Variants in BEGAIN observed in about 807,000 individuals in gnomAD.
BEGAIN encodes brain enriched guanylate kinase associated.
Under a neutral mutation model 35.8 loss-of-function variants are expected in BEGAIN, and 19 were observed. The observed-to-expected ratio is 0.53, with a 90% CI of 0.37 to 0.78. BEGAIN has a LOEUF of 0.78. Among genes scored for constraint, BEGAIN ranks in the 30% least tolerant of loss-of-function variants. The probability of loss-of-function intolerance (pLI) is 0.00; values close to 1 mark genes in which losing one functional copy is unlikely to be tolerated. For missense variants in BEGAIN, 795 were observed against 853.6 expected (o/e 0.93, Z 0.85); for synonymous variants, 462 against 388.6 (o/e 1.19, Z -2.22).
Position 100,537,750 on chromosome 14 carries a change from G to C in BEGAIN, c.*219C>G. ...GAAGGACGCGTGAAAAACGCTCTAA[G>C]TGGAGTTCCACGGGCCGGGGCCGGG... On this transcript the variant is annotated 3_prime_UTR_variant, in exon 7 of 7. Transcript: ENST00000554140. The C allele has an allele frequency of 1.7e-6, 1 of 584,768 alleles. No homozygotes were observed. Among genetic ancestry groups the C allele is most frequent in the African/African-American group, 2.0e-5 (1 of 50,924 alleles). 36.2% of individuals were successfully genotyped at this position (584,768 alleles called of 1,614,324 possible).
At chr14:100,579,786 A>G (rs1013756371) in intron 1 of BEGAIN, among the ~76,000 whole-genome samples, 12 of 152,074 alleles carry the variant, frequency 7.9e-5, no homozygotes, top group Non-Finnish European at 1.5e-5. Context: ...GGGCCGCTTC[A>G]ACTCTTTCCT....
At chr14:100,545,301 C>T in intron 3 of BEGAIN, 1 of 1,359,188 alleles carries the variant, frequency 7.4e-7, no homozygotes. Flanking sequence ...TTTCCCCCTC[C>T]ACCCCGGGAC....
chr14:100,569,989 C>A (rs974650293), intron 1 of BEGAIN, among the ~76,000 whole-genome samples: 3 of 152,068 alleles, frequency 2.0e-5, no homozygotes, highest in African/African-American at 7.2e-5. Context: ...AAGCCCCGGA[C>A]CCCCTATGCG....
chr14:100,543,827 C>A (rs1445466593), intron 5 of BEGAIN, 31 bp downstream of exon 5: 1 of 1,578,190 alleles, frequency 6.3e-7, no homozygotes, highest in Admixed American at 1.7e-5. Flanking sequence ...CACCGGCAGT[C>A]TTCCATGGGC....
chr14:100,554,904 C>T (rs942403554), intron 2 of BEGAIN, among the ~76,000 whole-genome samples: 4 of 152,236 alleles, frequency 2.6e-5, no homozygotes, highest in South Asian at 2.1e-4. Flanking sequence ...CCGCCAGGCA[C>T]GCTGGCCTTC....
intron 2 of BEGAIN, among the ~76,000 whole-genome samples, chr14:100,562,730 G>A (rs763976097): frequency 8.5e-5 from 13 of 152,104 alleles, no homozygotes; most frequent in East Asian, 1.9e-4. Context: ...GGTGGCACCC[G>A]CTCAGGGCCT....
At position 100,539,196 on chromosome 14, in the gene BEGAIN, C is replaced by T. The variant is rs2031163914; in HGVS notation, c.612G>A (p.Lys204=). ...ADSVPTCVIA[K]VLEKPDPASL... ...TGGCGGGGTCCGGCTTCTCCAGCAC[C>T]TTGGCAATGACGCAGGTGGGGACGC... is the stretch of plus-strand genomic sequence containing the variant. The change falls in exon 7 of 7, where the codon AAG becomes AAA. Residue 204 remains lysine (K), a synonymous_variant. Coordinates refer to ENST00000554140, the MANE Select transcript of BEGAIN (RefSeq NM_001385089.1). 3 of 1,582,422 alleles carry T rather than the reference C, an allele frequency of 1.9e-6. No individual in the cohort carries two copies. The highest frequency in any genetic ancestry group is 1.3e-5 in the African/African-American group (1 of 74,284).
In BEGAIN at chr14:100,538,813, G is replaced by T; in HGVS notation, c.995C>A (p.Ala332Glu). 2 of 1,603,306 alleles carry T rather than the reference G, an allele frequency of 1.2e-6. No individual in the cohort carries two copies. Among genetic ancestry groups the T allele is most frequent in the East Asian group, 2.3e-5 (1 of 44,402 alleles). Residue 332 changes from alanine to glutamate, a missense_variant, in exon 7 of 7, where the codon GCG becomes GAG. Coordinates refer to ENST00000554140, the MANE Select transcript of BEGAIN (RefSeq NM_001385089.1). ...CGACGCGGTCAGCGTGCTGGCCTGC[G>T]CGTGCTCCTTCTCCTCCGACGTGGC... ...FSATSEEKEH[A>E]QASTLTASQQ...
At chr14:100,574,426 C>T (rs1041597152) in intron 1 of BEGAIN, among the ~76,000 whole-genome samples, 4 of 152,064 alleles carry the variant, frequency 2.6e-5, no homozygotes, top group African/African-American at 7.2e-5. Flanking sequence ...AGCTGTGCCC[C>T]GGTGCCGCCA....
At chr14:100,577,753 C>T (rs1053212808) in intron 1 of BEGAIN, 9 of 398,992 alleles carry the variant, frequency 2.3e-5, no homozygotes, top group Non-Finnish European at 3.5e-5. Context: ...CTGGCTGGAC[C>T]GAGCTGCCCA....
intron 1 of BEGAIN, chr14:100,569,042 G>T: frequency 2.6e-6 from 2 of 756,794 alleles, no homozygotes; most frequent in African/African-American, 1.9e-5. Context: ...CGGCCGCAGC[G>T]CCAAGCTAGA....
At chr14:100,544,056 G>A (rs933276943) in intron 4 of BEGAIN, 91 bp from the exon 5 acceptor site, 13 of 892,442 alleles carry the variant, frequency 1.5e-5, no homozygotes, top group Admixed American at 2.2e-5. Context: ...TTTGTCCCTT[G>A]TAGCCATGAG....
At chr14:100,557,331 G>C (rs1377381547) in intron 2 of BEGAIN, among the ~76,000 whole-genome samples, 1 of 152,246 alleles carries the variant, frequency 6.6e-6, no homozygotes, top group Non-Finnish European at 1.5e-5. Flanking sequence ...GTGGGCAGAC[G>C]CACACAAGCC....
At chr14:100,541,405 G>A (rs2031588020) in intron 5 of BEGAIN, among the ~76,000 whole-genome samples, 1 of 152,184 alleles carries the variant, frequency 6.6e-6, no homozygotes, top group African/African-American at 2.4e-5. Context: ...GCATCCTGCT[G>A]TCCAGGCAAG....
At chr14:100,580,437 C>T (rs927237706) in intron 1 of BEGAIN, among the ~76,000 whole-genome samples, 2 of 152,172 alleles carry the variant, frequency 1.3e-5, no homozygotes, top group African/African-American at 4.8e-5. Flanking sequence ...ACCCTCCCGC[C>T]CCGTGCTCCC....
chr14:100,585,598 A>T (rs2035427818), intron 1 of BEGAIN, among the ~76,000 whole-genome samples: 1 of 151,722 alleles, frequency 6.6e-6, no homozygotes, highest in South Asian at 2.1e-4. Context: ...AATGGCAGCT[A>T]TGTGGGCCAG....
At chr14:100,554,152 C>T (rs1241919414) in intron 2 of BEGAIN, among the ~76,000 whole-genome samples, 1 of 152,186 alleles carries the variant, frequency 6.6e-6, no homozygotes, top group South Asian at 2.1e-4. Flanking sequence ...CCCTTTCTAG[C>T]TCCATGGTGT....
At chr14:100,547,926 G>C (rs897554105) in intron 2 of BEGAIN, 1 of 152,152 alleles carries the variant, frequency 6.6e-6, no homozygotes, top group Non-Finnish European at 1.5e-5. Flanking sequence ...GGCATCTTCT[G>C]TCTGGGCCCC....
chr14:100,578,255 G>GC (rs1170639306), intron 1 of BEGAIN, among the ~76,000 whole-genome samples: 1 of 152,244 alleles, frequency 6.6e-6, no homozygotes, highest in African/African-American at 2.4e-5. Flanking sequence ...CTCCCATGGT[G>GC]CACAGGGCCC....
Sources: allele counts gnomAD v4.1 joint callset (sites outside exome capture counted in the v4.1 genomes callset), GRCh38; gene constraint gnomAD v4.1.1; transcripts MANE v1.5; gene names NCBI Gene and HGNC (gene_info 2026-07-23, HGNC 2026-07-21).